CTNND2: variants seen among roughly 807,000 people sequenced by gnomAD.
CTNND2 encodes catenin delta 2.
A neutral mutation model predicts 144.4 loss-of-function variants in CTNND2; 22 were observed. The ratio of observed to expected loss-of-function variants is 0.15; its 90% CI spans 0.11 to 0.22. The LOEUF is 0.22. Ranked by LOEUF, CTNND2 falls within the 10% of genes least tolerant of loss-of-function variation. CTNND2 has a pLI of 1.00. For missense variants in CTNND2, 1,353 were observed against 1,618.8 expected (o/e 0.84, Z 2.82); for synonymous variants, 751 against 695.6 (o/e 1.08, Z -1.25).
intron 13 of CTNND2, among the ~76,000 whole-genome samples, chr5:11,112,371 G>T (rs1753084819): frequency 1.3e-5 from 2 of 152,202 alleles, no homozygotes; most frequent in South Asian, 4.1e-4. Flanking sequence ...CGGATCTGAA[G>T]ATGGTGGAAG....
At chr5:11,364,345 T>TG (rs1756756807) in intron 8 of CTNND2, among the ~76,000 whole-genome samples, 2 of 152,244 alleles carry the variant, frequency 1.3e-5, no homozygotes, top group Non-Finnish European at 2.9e-5. Context: ...TCATCAAGCA[T>TG]ACGTCTTTCA....
intron 3 of CTNND2, among the ~76,000 whole-genome samples, chr5:11,522,752 C>T (rs909016712): frequency 2.6e-5 from 4 of 152,126 alleles, no homozygotes; most frequent in African/African-American, 7.2e-5. Context: ...CTGCATTACT[C>T]AGGACCAATT....
At chr5:11,387,323 T>G (rs1759194709) in intron 6 of CTNND2, among the ~76,000 whole-genome samples, 1 of 151,990 alleles carries the variant, frequency 6.6e-6, no homozygotes, top group Non-Finnish European at 1.5e-5. Flanking sequence ...GGGGAGGGGC[T>G]GAGGGATCTG....
chr5:11,749,796 GATA>G (rs1402713543), intron 1 of CTNND2, among the ~76,000 whole-genome samples: 1 of 151,950 alleles, frequency 6.6e-6, no homozygotes, highest in Non-Finnish European at 1.5e-5. Context: ...ACATATGAAT[GATA>G]ATGAGGATAT....
chr5:11,735,717 G>A (rs34111705), intron 1 of CTNND2, among the ~76,000 whole-genome samples: 23,294 of 152,066 alleles, frequency 0.15, 1,961 homozygotes, highest in East Asian at 0.27. Context: ...TCCCCTGCAC[G>A]TGCTCTCTTG....
intron 9 of CTNND2, among the ~76,000 whole-genome samples, chr5:11,334,722 G>T (rs1384390955): frequency 6.6e-6 from 1 of 152,222 alleles, no homozygotes; most frequent in East Asian, 1.9e-4. Flanking sequence ...AGATAGGGTA[G>T]ATGGAGGCCC....
At chr5:11,660,423 TATC>T (rs1209752445) in intron 2 of CTNND2, among the ~76,000 whole-genome samples, 2 of 152,132 alleles carry the variant, frequency 1.3e-5, no homozygotes, top group Admixed American at 1.3e-4. Context: ...ACATTAATGA[TATC>T]ATTTTGACTT....
chr5:11,454,781 A>C (rs186085678), intron 3 of CTNND2, among the ~76,000 whole-genome samples: 41 of 151,742 alleles, frequency 2.7e-4, no homozygotes, highest in Admixed American at 5.9e-4. Context: ...TTTGTATTTT[A>C]GTAGAGATGG....
chr5:11,770,059 A>G (rs1789827778), intron 1 of CTNND2, among the ~76,000 whole-genome samples: 1 of 152,244 alleles, frequency 6.6e-6, no homozygotes, highest in African/African-American at 2.4e-5. Context: ...AGATGTAATC[A>G]GCCTCTGAGA....
At chr5:11,309,576 T>C (rs191288561) in intron 9 of CTNND2, among the ~76,000 whole-genome samples, 41 of 152,290 alleles carry the variant, frequency 2.7e-4, no homozygotes, top group African/African-American at 9.4e-4. Context: ...TTCAGGCTCA[T>C]CCATGGAAAG....
chr5:11,172,796 G>A (rs1053278225), intron 11 of CTNND2, among the ~76,000 whole-genome samples: 7 of 152,136 alleles, frequency 4.6e-5, no homozygotes, highest in East Asian at 1.9e-4. Context: ...CAGAGAGAAC[G>A]TCCTCCTTGG....
At chr5:11,510,688 TG>T (rs199546705) in intron 3 of CTNND2, among the ~76,000 whole-genome samples, 2,003 of 152,314 alleles carry the variant, frequency 0.013, 17 homozygotes, top group Non-Finnish European at 0.019. Flanking sequence ...CCCAGCACTT[TG>T]GGAGGCCAAG....
intron 18 of CTNND2, 61 bp from the exon 19 acceptor site, chr5:10,992,738 C>G: frequency 2.5e-6 from 4 of 1,581,690 alleles, no homozygotes; most frequent in Non-Finnish European, 3.4e-6. Flanking sequence ...CACCTCCGGA[C>G]ATTTTTAAGT....
chr5:11,319,607 GCCTCTTCTGTTCAAGCGAT>G (rs1218797685), intron 9 of CTNND2, among the ~76,000 whole-genome samples: 12 of 152,208 alleles, frequency 7.9e-5, no homozygotes, highest in African/African-American at 2.9e-4. Flanking sequence ...CACAACTTCT[GCCTCTTCTGTTCAAGCGAT>G]CCTCCTGCCT....
chr5:11,289,414 C>G (rs753749212), intron 9 of CTNND2, among the ~76,000 whole-genome samples: 2 of 152,216 alleles, frequency 1.3e-5, no homozygotes, highest in Admixed American at 1.3e-4. Flanking sequence ...CGTATGGCAT[C>G]TTCTCTTATC....
intron 10 of CTNND2, among the ~76,000 whole-genome samples, chr5:11,234,732 C>T (rs1013408756): frequency 6.6e-6 from 1 of 152,226 alleles, no homozygotes; most frequent in Admixed American, 6.5e-5. Context: ...GGCCATGAAG[C>T]CTGCATTGCC....
chr5:11,051,815 A>G lies in CTNND2; in HGVS notation c.2789-28836T>C, dbSNP rs146924090. On this transcript the variant is annotated intron_variant, in intron 16 of 21. Transcript: ENST00000304623. ...TAATCAAAAGGCAAGTAAGAGTGGC[A>G]TGATCAGATCTTGTGTCCCAAAGCA... is the stretch of plus-strand genomic sequence containing the variant. 2.7e-3 allele frequency among the ~76,000 whole-genome samples: 410 copies of G among 152,340 alleles called. 4 individuals carry two copies. The highest frequency in any genetic ancestry group is 9.2e-3 in the African/African-American group (381 of 41,578).
intron 9 of CTNND2, among the ~76,000 whole-genome samples, chr5:11,300,013 A>T (rs1380484043): frequency 6.6e-6 from 1 of 152,224 alleles, no homozygotes; most frequent in Admixed American, 6.5e-5. Context: ...AGAAATGGGC[A>T]GCTTTCAGGG....
At chr5:11,619,818 C>A (rs1780749598) in intron 2 of CTNND2, among the ~76,000 whole-genome samples, 1 of 152,180 alleles carries the variant, frequency 6.6e-6, no homozygotes, top group Non-Finnish European at 1.5e-5. Flanking sequence ...TCTCCATTAA[C>A]TACTGGTGCC....
Sources: gnomAD v4.1 joint callset for allele counts (sites outside exome capture counted in the v4.1 genomes callset) on GRCh38, gnomAD v4.1.1 for gene constraint, MANE v1.5 for transcripts, NCBI Gene and HGNC (gene_info 2026-07-23, HGNC 2026-07-21) for gene names.